MFAP3L: variants seen among roughly 807,000 people sequenced by gnomAD.
MFAP3L encodes microfibrillar-associated protein 3-like.
MFAP3L carries 5 observed loss-of-function variants against 20.0 expected under a neutral mutation model. That is an observed-to-expected ratio of 0.25 (90% confidence interval 0.13 to 0.53). MFAP3L has a LOEUF of 0.53. MFAP3L is among the 20% of genes least tolerant of loss of function. The pLI is 0.96. For missense variants in MFAP3L, 409 were observed against 527.5 expected (o/e 0.78, Z 2.20); for synonymous variants, 219 against 213.0 (o/e 1.03, Z -0.25).
intron 2 of MFAP3L, among the ~76,000 whole-genome samples, chr4:169,998,948 A>G (rs1420532268): frequency 6.6e-6 from 1 of 152,272 alleles, no homozygotes; most frequent in African/African-American, 2.4e-5. Flanking sequence ...TTGAAGAAGC[A>G]CAAAATGCGT....
intron 2 of MFAP3L, chr4:169,994,229 G>A (rs117227591): frequency 1.0e-6 from 1 of 985,372 alleles, no homozygotes; most frequent in South Asian, 4.7e-5. Context: ...GCAGAAAATA[G>A]AGTGGAGGAG....
intron 2 of MFAP3L, chr4:169,997,604 T>C: frequency 3.6e-6 from 2 of 549,388 alleles, no homozygotes; most frequent in Non-Finnish European, 4.6e-6. Context: ...ACAGTCATTT[T>C]TAAAACAACT....
intron 2 of MFAP3L, chr4:170,005,327 T>G: frequency 1.8e-6 from 1 of 557,232 alleles, no homozygotes; most frequent in East Asian, 2.8e-5. Context: ...TTGGATGTAT[T>G]ATATTACAAA....
chr4:170,022,647 T>C (rs1740107616), intron 1 of MFAP3L, among the ~76,000 whole-genome samples: 1 of 151,946 alleles, frequency 6.6e-6, no homozygotes. Flanking sequence ...ATCATTCAGG[T>C]GGGCCCAATG....
At chr4:170,014,705 T>C (rs549656440) in intron 1 of MFAP3L, among the ~76,000 whole-genome samples, 5 of 152,322 alleles carry the variant, frequency 3.3e-5, no homozygotes, top group African/African-American at 4.8e-5. Context: ...TCTGGATCGT[T>C]TGCAAACCCG....
Position 170,026,334 on chromosome 4 carries a change from G to C in MFAP3L, c.-234C>G, listed in dbSNP as rs1173959816. On this transcript the variant is annotated 5_prime_UTR_variant, in exon 1 of 3. Coordinates refer to ENST00000361618, the MANE Select transcript of MFAP3L (RefSeq NM_021647.8). ...CACTCTGCGCCGGACGCCCGGTAGC[G>C]CCTACTGCGGGCGAGCCGCCTCCGC... 11 of 969,230 alleles carry C rather than the reference G, an allele frequency of 1.1e-5. No homozygotes were observed. The Admixed American group carries it at 2.5e-4, about 22-fold the overall frequency. 60.0% of individuals were successfully genotyped at this position (969,230 alleles called of 1,614,324 possible).
At chr4:170,023,114 T>C (rs1003406982) in intron 1 of MFAP3L, among the ~76,000 whole-genome samples, 5 of 152,190 alleles carry the variant, frequency 3.3e-5, no homozygotes, top group African/African-American at 9.6e-5. Context: ...TGAAATATCA[T>C]GACTTTTCCC....
chr4:169,990,246 C>T lies in MFAP3L; in HGVS notation c.*1132G>A, dbSNP rs1224943464. 2.0e-5 allele frequency: 3 copies of T among 152,216 alleles called. No homozygotes were observed. The highest frequency in any genetic ancestry group is 7.2e-5 in the African/African-American group (3 of 41,458). 9.4% of individuals were successfully genotyped at this position (152,216 alleles called of 1,614,324 possible). A position where few individuals can be genotyped will look rare whatever the true frequency, so the allele number is the denominator to read the frequency against. On this transcript the variant is annotated 3_prime_UTR_variant, in exon 3 of 3. Transcript: ENST00000361618. ...CTTGCAGGACTGCATAATTATTCAA[C>T]AGTTTTGGCATAAAATCTGATGGCA...
intron 2 of MFAP3L, chr4:169,994,629 A>G (rs1049272291): frequency 4.0e-5 from 33 of 833,422 alleles, no homozygotes; most frequent in African/African-American, 5.6e-5. Flanking sequence ...AGTTCAATTT[A>G]GACAACTACT....
At chr4:170,007,380 C>CCTA (rs1448156816) in intron 1 of MFAP3L, among the ~76,000 whole-genome samples, 3 of 152,148 alleles carry the variant, frequency 2.0e-5, no homozygotes, top group Non-Finnish European at 4.4e-5. Flanking sequence ...GGAAAGCTGA[C>CCTA]CTATTCGATA....
At chr4:170,009,512 G>C (rs111381688) in intron 1 of MFAP3L, among the ~76,000 whole-genome samples, 38 of 151,642 alleles carry the variant, frequency 2.5e-4, no homozygotes, top group African/African-American at 9.0e-4. Flanking sequence ...TAAACCCTAA[G>C]TACTATAATC....
rs949720696 is a variant in MFAP3L at position 170,026,360 on chromosome 4, C to G, written c.-260G>C. ...CCTACTGCGGGCGAGCCGCCTCCGC[C>G]GGCGCCTCACAGCGTTGCGAGCTGC... On this transcript the variant is annotated 5_prime_UTR_variant, in exon 1 of 3. Coordinates refer to ENST00000361618, the MANE Select transcript of MFAP3L (RefSeq NM_021647.8). The G allele has an allele frequency of 7.8e-6, 7 of 893,304 alleles. No individual in the cohort carries two copies. The African/African-American group carries it at 1.1e-4, about 14-fold the overall frequency. The allele number at this position is 893,304 out of a possible 1,614,324, so 55.3% of individuals were successfully genotyped here.
At chr4:170,006,337 T>C (rs1217145614) in intron 1 of MFAP3L, among the ~76,000 whole-genome samples, 1 of 152,128 alleles carries the variant, frequency 6.6e-6, no homozygotes, top group Non-Finnish European at 1.5e-5. Flanking sequence ...GGTCTCGAAC[T>C]CCTGACCTCA....
chr4:170,009,122 C>T (rs181445607), intron 1 of MFAP3L, among the ~76,000 whole-genome samples: 92 of 152,268 alleles, frequency 6.0e-4, no homozygotes, highest in Non-Finnish European at 9.6e-4. Context: ...TGGTGGCTCA[C>T]GCCTGTAATC....
chr4:169,987,976 A>G lies in MFAP3L; in HGVS notation c.*3402T>C, dbSNP rs1308254377. On this transcript the variant is annotated 3_prime_UTR_variant, in exon 3 of 3. Coordinates refer to ENST00000361618, the MANE Select transcript of MFAP3L (RefSeq NM_021647.8). Reference sequence around the variant, plus strand: ...GAGGAAAGGGGAATTCCAGAACCCCATTGTGTGAGATGTCAGGTCTTTCAA... The same window carrying G: ...GAGGAAAGGGGAATTCCAGAACCCCGTTGTGTGAGATGTCAGGTCTTTCAA... 6.6e-6 allele frequency: 1 copy of G among 152,208 alleles called. No individual in the cohort carries two copies. The highest frequency in any genetic ancestry group is 1.5e-5 in the Non-Finnish European group (1 of 68,024). 9.4% of individuals were successfully genotyped at this position (152,208 alleles called of 1,614,324 possible). A position where few individuals can be genotyped will look rare whatever the true frequency, so the allele number is the denominator to read the frequency against.
In MFAP3L at chr4:169,987,246, G is replaced by C. The variant is rs967193840; in HGVS notation, c.*4132C>G. Reference sequence around the variant, plus strand: ...AAAATAAACTGTGCTATTTACTGAAGGATTTTTTAAAATGACCAGTATCTT... The same window carrying C: ...AAAATAAACTGTGCTATTTACTGAACGATTTTTTAAAATGACCAGTATCTT... On this transcript the variant is annotated 3_prime_UTR_variant, in exon 3 of 3. Coordinates refer to ENST00000361618, the MANE Select transcript of MFAP3L (RefSeq NM_021647.8). 4 of 152,212 alleles carry C rather than the reference G, an allele frequency of 2.6e-5. No homozygotes were observed. Among genetic ancestry groups the C allele is most frequent in the African/African-American group, 9.6e-5 (4 of 41,536 alleles). 9.4% of individuals were successfully genotyped at this position (152,212 alleles called of 1,614,324 possible). A position where few individuals can be genotyped will look rare whatever the true frequency, so the allele number is the denominator to read the frequency against.
chr4:170,020,124 C>G (rs886722184), intron 1 of MFAP3L, among the ~76,000 whole-genome samples: 1 of 152,188 alleles, frequency 6.6e-6, no homozygotes, highest in Non-Finnish European at 1.5e-5. Flanking sequence ...TAAGCACAGG[C>G]AGTGGAAGTT....
At chr4:170,026,189 C>T in intron 1 of MFAP3L, 45 bp downstream of exon 1, 1 of 974,416 alleles carries the variant, frequency 1.0e-6, no homozygotes, top group Non-Finnish European at 1.2e-6. Flanking sequence ...GGGCTGGCTC[C>T]CACCCGTGCC....
chr4:170,009,598 T>C (rs1428412923), intron 1 of MFAP3L, among the ~76,000 whole-genome samples: 2 of 152,144 alleles, frequency 1.3e-5, no homozygotes, highest in Admixed American at 6.5e-5. Flanking sequence ...TAACAAAAGC[T>C]ACAATGGACA....
Sources: allele counts gnomAD v4.1 joint callset (sites outside exome capture counted in the v4.1 genomes callset), GRCh38; gene constraint gnomAD v4.1.1; transcripts MANE v1.5; gene names NCBI Gene and HGNC (gene_info 2026-07-23, HGNC 2026-07-21).